EGFR: variants seen among roughly 807,000 people sequenced by gnomAD.
EGFR encodes avian erythroblastic leukemia viral (v-erb-b) oncogene homolog.
In EGFR, 58 loss-of-function variants were observed where a neutral mutation model predicts 143.0. That is an observed-to-expected ratio of 0.41 (90% CI 0.33 to 0.50). The LOEUF (loss-of-function observed/expected upper bound fraction) is 0.50. EGFR is among the 20% of genes least tolerant of loss of function. The pLI, the probability that EGFR is intolerant of heterozygous loss-of-function variation, is 0.39. For missense variants in EGFR, 1,307 were observed against 1,579.0 expected (o/e 0.83, Z 2.92); for synonymous variants, 613 against 594.4 (o/e 1.03, Z -0.45).
Position 55,157,708 on chromosome 7 carries a change from A to C in EGFR, c.1253A>C (p.His418Pro). ...QAWPENRTDL[H>P]AFENLEIIRG... is the part of the protein sequence containing the mutation. ...TGGCCTGAAAACAGGACGGACCTCCATGCCTTTGAGAACCTAGAAATCATA... is the reference window on the plus strand; with the variant it reads ...TGGCCTGAAAACAGGACGGACCTCCCTGCCTTTGAGAACCTAGAAATCATA... Residue 418 changes from histidine (H) to proline (P), a missense_variant, in exon 11 of 28, where the codon CAT becomes CCT. By Grantham distance (77) the His-to-Pro change is moderately conservative (BLOSUM62 -2). Around this residue, in one of 7 missense-constraint regions of EGFR, gnomAD observed 250 missense variants for 295.1 expected, o/e 0.85. Transcript: ENST00000275493. The C allele has an allele frequency of 6.2e-7, 1 of 1,614,224 alleles. No individual in the cohort carries two copies. The highest frequency in any genetic ancestry group is 8.5e-7 in the Non-Finnish European group (1 of 1,180,022).
At chr7:55,159,270 T>C (rs1785580620) in intron 11 of EGFR, among the ~76,000 whole-genome samples, 1 of 152,128 alleles carries the variant, frequency 6.6e-6, no homozygotes, top group African/African-American at 2.4e-5. Context: ...CTTATACCCA[T>C]CGTGGTTCAG....
intron 1 of EGFR, among the ~76,000 whole-genome samples, chr7:55,126,353 C>G (rs1793523854): frequency 6.6e-6 from 1 of 152,264 alleles, no homozygotes; most frequent in Non-Finnish European, 1.5e-5. Context: ...CAACCACTTA[C>G]ATGACCTAGA....
At chr7:55,066,962 C>T (rs1583955503) in intron 1 of EGFR, among the ~76,000 whole-genome samples, 1 of 152,198 alleles carries the variant, frequency 6.6e-6, no homozygotes, top group Non-Finnish European at 1.5e-5. Flanking sequence ...GAGCTGGTCA[C>T]TTGGGAGGCA....
At chr7:55,116,024 A>G (rs1341924376) in intron 1 of EGFR, among the ~76,000 whole-genome samples, 1 of 152,178 alleles carries the variant, frequency 6.6e-6, no homozygotes, top group African/African-American at 2.4e-5. Flanking sequence ...ATCATACTTG[A>G]TTTAGAATGG....
At chr7:55,173,273 C>A in intron 17 of EGFR, 149 bp downstream of exon 17, 1 of 1,190,822 alleles carries the variant, frequency 8.4e-7, no homozygotes, top group Non-Finnish European at 1.2e-6. Flanking sequence ...CAGTTATACC[C>A]AGTTGGTGAC....
intron 1 of EGFR, among the ~76,000 whole-genome samples, chr7:55,049,088 T>C (rs184088358): frequency 3.7e-4 from 57 of 152,348 alleles, no homozygotes; most frequent in African/African-American, 1.2e-3. Context: ...AGTATGCATA[T>C]GACAACACGA....
intron 1 of EGFR, among the ~76,000 whole-genome samples, chr7:55,037,994 G>A (rs953020821): frequency 3.3e-5 from 5 of 152,150 alleles, no homozygotes; most frequent in Admixed American, 1.3e-4. Flanking sequence ...GTGTTCCGGC[G>A]CCCAGTTAGT....
At chr7:55,071,790 A>T (rs1336169244) in intron 1 of EGFR, among the ~76,000 whole-genome samples, 9 of 152,268 alleles carry the variant, frequency 5.9e-5, no homozygotes, top group Non-Finnish European at 2.9e-5. Context: ...AGAGAGAAAG[A>T]ATAGAACAAA....
chr7:55,128,905 A>T (rs964557728), intron 1 of EGFR, among the ~76,000 whole-genome samples: 1 of 152,202 alleles, frequency 6.6e-6, no homozygotes, highest in Non-Finnish European at 1.5e-5. Flanking sequence ...TCATTACTCA[A>T]CTGCCATATT....
chr7:55,023,918 C>G (rs747527313), intron 1 of EGFR, among the ~76,000 whole-genome samples: 19 of 152,106 alleles, frequency 1.2e-4, no homozygotes, highest in Non-Finnish European at 2.4e-4. Context: ...TAAGAAAATT[C>G]CAGCAGTTGG....
chr7:55,159,379 TC>T (rs17336737), intron 11 of EGFR, among the ~76,000 whole-genome samples: 1 of 151,924 alleles, frequency 6.6e-6, no homozygotes, highest in Non-Finnish European at 1.5e-5. Context: ...GCTGAGGACA[TC>T]CCCCCTTCGG....
chr7:55,040,846 C>T (rs1226521929), intron 1 of EGFR, among the ~76,000 whole-genome samples: 1 of 152,198 alleles, frequency 6.6e-6, no homozygotes, highest in Non-Finnish European at 1.5e-5. Flanking sequence ...TTCCACTCTA[C>T]ATTTCAATAA....
intron 23 of EGFR, among the ~76,000 whole-genome samples, 153 bp downstream of exon 23, chr7:55,199,016 A>G (rs1787737072): frequency 6.6e-6 from 1 of 152,228 alleles, no homozygotes; most frequent in Non-Finnish European, 1.5e-5. Flanking sequence ...TACCCCTTCA[A>G]GCATTCTTTT....
intron 26 of EGFR, 99 bp downstream of exon 26, chr7:55,201,881 A>G: frequency 6.9e-7 from 1 of 1,439,896 alleles, no homozygotes; most frequent in Non-Finnish European, 9.8e-7. Context: ...AACCCAGATA[A>G]TCTTGAGTTT....
At chr7:55,084,098 T>C (rs1334416154) in intron 1 of EGFR, among the ~76,000 whole-genome samples, 1 of 152,246 alleles carries the variant, frequency 6.6e-6, no homozygotes, top group African/African-American at 2.4e-5. Context: ...TGATGAGATG[T>C]AAGCCCAAGT....
rs543206770 is a variant in EGFR at position 55,094,755 on chromosome 7, A to G, written c.89-47531A>G. ...TACATAGTGCTTTAGGTGTATTTCT[A>G]TACATCTTAATTGATATGGGATTAC... On this transcript the variant is annotated intron_variant, in intron 1 of 27. Transcript: ENST00000275493. 9.1e-4 allele frequency among the ~76,000 whole-genome samples: 139 copies of G among 152,366 alleles called. 2 individuals carry two copies. Among genetic ancestry groups the G allele is most frequent in the Middle Eastern group, 6.8e-3 (2 of 294 alleles).
chr7:55,200,309 T>TC lies in EGFR; in HGVS notation c.2849-3dup, dbSNP rs1474628298. 2 of 1,613,766 alleles carry TC rather than the reference T, an allele frequency of 1.2e-6. No homozygotes were observed. Among genetic ancestry groups the TC allele is most frequent in the Non-Finnish European group, 1.7e-6 (2 of 1,179,702 alleles). On this transcript the variant is annotated splice_polypyrimidine_tract_variant and splice_region_variant and intron_variant, in intron 23 of 27. Transcript: ENST00000275493. The stretch of plus-strand genomic sequence containing the variant: ...AATTGCACTGTTTTTTCTCATTCCT[T>TC]CCCCAGGCTGGATGATAGACGCAGA...
intron 4 of EGFR, 41 bp downstream of exon 4, chr7:55,146,781 T>C (rs377699837): frequency 1.9e-6 from 3 of 1,613,564 alleles, no homozygotes; most frequent in Non-Finnish European, 2.5e-6. Flanking sequence ...CCAGCTCCTA[T>C]GGGGGACAGC....
chr7:55,123,893 G>T (rs999810100), intron 1 of EGFR, among the ~76,000 whole-genome samples: 1 of 152,126 alleles, frequency 6.6e-6, no homozygotes, highest in Non-Finnish European at 1.5e-5. Context: ...GGATGTGTGT[G>T]TGTGTGCATG....
Sources: allele counts gnomAD v4.1 joint callset (sites outside exome capture counted in the v4.1 genomes callset), GRCh38; gene constraint gnomAD v4.1.1; regional missense constraint gnomAD v4.1.1; transcripts MANE v1.5; gene names NCBI Gene and HGNC (gene_info 2026-07-23, HGNC 2026-07-21).